Variants in DRC8 observed in about 807,000 individuals in gnomAD.
DRC8 encodes the protein dynein regulatory complex protein 8.
At chr1:245,080,798 G>A in the DRC8 span, among the ~76,000 whole-genome samples, 76 of 152,264 alleles carry the variant, frequency 5.0e-4, no homozygotes, top group Non-Finnish European at 8.1e-4. Flanking sequence ...CTATGAGACC[G>A]TCACTGATTT....
chr1:245,070,251 C>G, the DRC8 span, among the ~76,000 whole-genome samples: 1 of 152,124 alleles, frequency 6.6e-6, no homozygotes, highest in East Asian at 1.9e-4. Flanking sequence ...AATAGGAGTG[C>G]AATCGCTTCC....
At chr1:245,020,598 CTGGAGTTT>C in the DRC8 span, among the ~76,000 whole-genome samples, 1 of 146,126 alleles carries the variant, frequency 6.8e-6, no homozygotes, top group East Asian at 2.0e-4. Context: ...CAAGTATATA[CTGGAGTTT>C]TTCTTTCTTT....
At chr1:244,981,000 T>C in the DRC8 span, among the ~76,000 whole-genome samples, 1 of 152,130 alleles carries the variant, frequency 6.6e-6, no homozygotes, top group Admixed American at 6.5e-5. Context: ...CTGACCAACA[T>C]GGCAAAACCC....
At chr1:245,032,577 G>A in the DRC8 span, among the ~76,000 whole-genome samples, 1 of 152,126 alleles carries the variant, frequency 6.6e-6, no homozygotes. Context: ...CTGAAAGCTT[G>A]TATTTCTGTC....
At chr1:245,063,600 T>G in the DRC8 span, among the ~76,000 whole-genome samples, 1 of 152,214 alleles carries the variant, frequency 6.6e-6, no homozygotes, top group Non-Finnish European at 1.5e-5. Context: ...TCAATTACAT[T>G]TCCTGCAACT....
At chr1:244,975,821 C>T in the DRC8 span, among the ~76,000 whole-genome samples, 1 of 151,966 alleles carries the variant, frequency 6.6e-6, no homozygotes, top group East Asian at 1.9e-4. Flanking sequence ...GATCACACTA[C>T]TGCACTCCAG....
chr1:245,035,532 A>G, the DRC8 span, among the ~76,000 whole-genome samples: 2 of 152,204 alleles, frequency 1.3e-5, no homozygotes, highest in Non-Finnish European at 2.9e-5. Flanking sequence ...AAATGAATGA[A>G]GTTGGACCCT....
At chr1:245,054,882 G>A in the DRC8 span, among the ~76,000 whole-genome samples, 1 of 152,204 alleles carries the variant, frequency 6.6e-6, no homozygotes, top group Non-Finnish European at 1.5e-5. Flanking sequence ...TGAGACTCCT[G>A]AGTCAGTGAC....
chr1:245,095,407 A>G, the DRC8 span, among the ~76,000 whole-genome samples: 1 of 152,246 alleles, frequency 6.6e-6, no homozygotes, highest in Non-Finnish European at 1.5e-5. Context: ...CAGACCATAT[A>G]TGCTATTATG....
the DRC8 span, chr1:245,083,533 A>G: frequency 6.3e-7 from 1 of 1,583,762 alleles, no homozygotes. Flanking sequence ...AAATACATTT[A>G]TTTACATACA....
the DRC8 span, among the ~76,000 whole-genome samples, chr1:245,116,390 AAAAAC>A: frequency 3.3e-5 from 5 of 152,110 alleles, no homozygotes; most frequent in African/African-American, 1.2e-4. Flanking sequence ...CTTGCCTCTT[AAAAAC>A]AAAACAAAAC....
chr1:245,039,774 G>C, the DRC8 span, among the ~76,000 whole-genome samples: 1 of 152,036 alleles, frequency 6.6e-6, no homozygotes, highest in East Asian at 1.9e-4. Flanking sequence ...CCTCAGTTTG[G>C]GTTTGCCAGA....
chr1:244,970,465 G>A, the DRC8 span: 2 of 1,524,346 alleles, frequency 1.3e-6, no homozygotes, highest in Non-Finnish European at 8.7e-7. Context: ...GAGCCGGGGA[G>A]CCGCTGCCCT....
At chr1:245,028,246 T>C in the DRC8 span, among the ~76,000 whole-genome samples, 2 of 152,224 alleles carry the variant, frequency 1.3e-5, no homozygotes. Context: ...GAATGACATC[T>C]TATAAATTTA....
the DRC8 span, among the ~76,000 whole-genome samples, chr1:245,023,873 T>C: frequency 6.6e-6 from 1 of 152,120 alleles, no homozygotes; most frequent in Non-Finnish European, 1.5e-5. Context: ...GACTATTTAT[T>C]AATATATAAA....
At chr1:245,025,854 C>T in the DRC8 span, among the ~76,000 whole-genome samples, 10 of 152,202 alleles carry the variant, frequency 6.6e-5, no homozygotes, top group Admixed American at 3.3e-4. Context: ...CCCCTGCAGA[C>T]GGTCTCTTTC....
At chr1:245,004,343 AC>A in the DRC8 span, among the ~76,000 whole-genome samples, 23 of 152,282 alleles carry the variant, frequency 1.5e-4, no homozygotes, top group Admixed American at 9.8e-4. Flanking sequence ...AAAATGAAAA[AC>A]AAAAGTATAC....
chr1:245,023,700 A>T, the DRC8 span, among the ~76,000 whole-genome samples: 2 of 152,168 alleles, frequency 1.3e-5, no homozygotes, highest in Non-Finnish European at 2.9e-5. Flanking sequence ...GGCCATTTGT[A>T]CATCTTCTTT....
At chr1:245,074,075 A>G in the DRC8 span, among the ~76,000 whole-genome samples, 81 of 152,352 alleles carry the variant, frequency 5.3e-4, no homozygotes, top group Non-Finnish European at 1.1e-3. Context: ...GATCTGAAAC[A>G]TAGCTGTGGA....
Sources: allele counts gnomAD v4.1 joint callset (sites outside exome capture counted in the v4.1 genomes callset), GRCh38; gene constraint gnomAD v4.1.1; transcripts MANE v1.5; gene names NCBI Gene and HGNC (gene_info 2026-07-23, HGNC 2026-07-21).